NKAIN2: variants seen among roughly 807,000 people sequenced by gnomAD.
The protein encoded by NKAIN2 is sodium/potassium transporting ATPase interacting 2, also known as sodium/potassium-transporting ATPase subunit beta-1-interacting protein 2.
Under a neutral mutation model 32.6 loss-of-function variants are expected in NKAIN2, and 14 were observed. That is an observed-to-expected ratio of 0.43 (90% confidence interval 0.28 to 0.67). The LOEUF (loss-of-function observed/expected upper bound fraction) is 0.67, where lower values mean the gene tolerates loss of function less well. Among genes scored for constraint, NKAIN2 ranks in the 30% least tolerant of loss-of-function variants. NKAIN2 has a pLI of 0.17. For missense variants in NKAIN2, 198 were observed against 258.3 expected (o/e 0.77, Z 1.60); for synonymous variants, 80 against 87.2 (o/e 0.92, Z 0.46).
intron 1 of NKAIN2, among the ~76,000 whole-genome samples, chr6:124,126,209 A>G (rs957225759): frequency 3.3e-5 from 5 of 152,130 alleles, no homozygotes; most frequent in African/African-American, 1.2e-4. Flanking sequence ...TTCTCCCTCT[A>G]ATACTCTAGC....
chr6:124,008,369 T>C (rs1254345651), intron 1 of NKAIN2, among the ~76,000 whole-genome samples: 1 of 152,168 alleles, frequency 6.6e-6, no homozygotes, highest in Admixed American at 6.5e-5. Flanking sequence ...CAGATAATCA[T>C]AGGTCATGAC....
intron 1 of NKAIN2, among the ~76,000 whole-genome samples, chr6:124,175,901 CAT>C (rs1400859864): frequency 2.6e-5 from 4 of 152,124 alleles, no homozygotes; most frequent in Non-Finnish European, 5.9e-5. Context: ...TATTTCATCA[CAT>C]GTGTAGATTT....
chr6:124,236,283 G>C (rs927174927), intron 1 of NKAIN2, among the ~76,000 whole-genome samples: 4 of 152,056 alleles, frequency 2.6e-5, no homozygotes, highest in African/African-American at 9.7e-5. Flanking sequence ...AGATTGTGCT[G>C]TAATCAAAAG....
intron 1 of NKAIN2, among the ~76,000 whole-genome samples, chr6:124,105,743 A>T (rs1007735692): frequency 6.6e-6 from 1 of 152,208 alleles, no homozygotes. Flanking sequence ...CACAGAATTC[A>T]TCAGTGTTTC....
intron 1 of NKAIN2, among the ~76,000 whole-genome samples, chr6:123,975,848 G>A (rs1169115376): frequency 6.6e-6 from 1 of 151,886 alleles, no homozygotes; most frequent in African/African-American, 2.4e-5. Context: ...ATTTTGGTGG[G>A]GACATGATAT....
chr6:124,722,879 T>A (rs1237171336), intron 4 of NKAIN2, among the ~76,000 whole-genome samples: 1 of 152,236 alleles, frequency 6.6e-6, no homozygotes, highest in Non-Finnish European at 1.5e-5. Context: ...CTAAAAAATG[T>A]GAAGCAGCAG....
rs1034178714 is a variant in NKAIN2, at chr6:124,572,986, C to T, written c.274-85200C>T. Among the ~76,000 whole-genome samples the T allele has an allele frequency of 3.0e-4, 46 of 152,042 alleles. No individual in the cohort carries two copies. In the Middle Eastern group the frequency reaches 0.01, roughly 34 times the overall value. ...TCCCAAGTAGCTGGGATTACAGGCG[C>T]GTGACACCATGCCCGGCTAATTTTT... On this transcript the variant is annotated intron_variant, in intron 3 of 6. Transcript: ENST00000368417.
Position 123,909,473 on chromosome 6 carries a change from G to A in NKAIN2, c.54+105219G>A, listed in dbSNP as rs149739304. 2.5e-3 allele frequency among the ~76,000 whole-genome samples: 387 copies of A among 152,244 alleles called. 2 individuals carry two copies. Among genetic ancestry groups the A allele is most frequent in the Non-Finnish European group, 3.8e-3 (258 of 68,018 alleles). On this transcript the variant is annotated intron_variant, in intron 1 of 6. Transcript: ENST00000368417. ...AGTCCTGCCACCCTCTCTGAGTCTC[G>A]CCATGTGTGAGTCTCTGTGTCTGCT... is the stretch of plus-strand genomic sequence containing the variant.
intron 4 of NKAIN2, among the ~76,000 whole-genome samples, chr6:124,679,112 C>T (rs1698757943): frequency 1.3e-5 from 2 of 152,212 alleles, no homozygotes; most frequent in African/African-American, 4.8e-5. Flanking sequence ...GACTCCAAGA[C>T]AGTCAAGAGA....
intron 1 of NKAIN2, among the ~76,000 whole-genome samples, chr6:124,003,279 C>T (rs919976551): frequency 1.3e-5 from 2 of 152,132 alleles, no homozygotes; most frequent in Admixed American, 1.3e-4. Flanking sequence ...TTACCATGTG[C>T]ATTATTTTTT....
At chr6:124,485,853 G>A (rs1447880281) in intron 3 of NKAIN2, among the ~76,000 whole-genome samples, 2 of 152,182 alleles carry the variant, frequency 1.3e-5, no homozygotes, top group African/African-American at 4.8e-5. Context: ...TGTCCTGTGA[G>A]GTGTACAGGC....
intron 1 of NKAIN2, among the ~76,000 whole-genome samples, chr6:124,056,668 T>G (rs1373396745): frequency 6.6e-6 from 1 of 152,080 alleles, no homozygotes; most frequent in Non-Finnish European, 1.5e-5. Flanking sequence ...AATAATAGCA[T>G]GAAAGGCAAT....
chr6:124,748,137 C>T (rs11154262), intron 4 of NKAIN2, among the ~76,000 whole-genome samples: 61,684 of 151,768 alleles, frequency 0.41, 13,446 homozygotes, highest in Non-Finnish European at 0.51. Context: ...GTACAAGTAT[C>T]GTTGCAGAAC....
At chr6:124,740,447 C>CAT (rs144418974) in intron 4 of NKAIN2, among the ~76,000 whole-genome samples, 1 of 143,754 alleles carries the variant, frequency 7.0e-6, no homozygotes, top group Admixed American at 7.0e-5. Flanking sequence ...CACATATACA[C>CAT]GTGTGTGTGT....
intron 4 of NKAIN2, among the ~76,000 whole-genome samples, chr6:124,740,903 G>T (rs1777177202): frequency 6.6e-6 from 1 of 151,884 alleles, no homozygotes; most frequent in Non-Finnish European, 1.5e-5. Flanking sequence ...ACTGTAGGAA[G>T]TCAATATGGA....
In NKAIN2 at chr6:124,781,655, T is replaced by C. The variant is rs942709580; in HGVS notation, c.475-9684T>C. 1.4e-4 allele frequency among the ~76,000 whole-genome samples: 21 copies of C among 152,156 alleles called. 1 individual carries two copies. The highest frequency in any genetic ancestry group is 1.2e-3 in the Admixed American group (19 of 15,254). On this transcript the variant is annotated intron_variant, in intron 4 of 6. Transcript: ENST00000368417. ...AGTCTGAGGTTTATGACATTCTGTT[T>C]CACCCTTGCATTGGCTATGAGCTAC... is the stretch of plus-strand genomic sequence containing the variant.
At chr6:123,842,140 A>G (rs1332705209) in intron 1 of NKAIN2, among the ~76,000 whole-genome samples, 2 of 152,208 alleles carry the variant, frequency 1.3e-5, no homozygotes, top group African/African-American at 4.8e-5. Flanking sequence ...AAGACAATTT[A>G]TTCAAATTAC....
intron 4 of NKAIN2, among the ~76,000 whole-genome samples, chr6:124,703,813 A>AG (rs1025019630): frequency 2.0e-5 from 3 of 152,018 alleles, no homozygotes; most frequent in Non-Finnish European, 4.4e-5. Context: ...ACCAACAGAT[A>AG]GGGATTTGTG....
At chr6:124,812,540 G>C (rs979559921) in intron 5 of NKAIN2, among the ~76,000 whole-genome samples, 1 of 152,134 alleles carries the variant, frequency 6.6e-6, no homozygotes. Context: ...GTAGAAATAG[G>C]TTGCAATGAA....
Sources: gnomAD v4.1 joint callset for allele counts (sites outside exome capture counted in the v4.1 genomes callset) on GRCh38, gnomAD v4.1.1 for gene constraint, MANE v1.5 for transcripts, NCBI Gene and HGNC (gene_info 2026-07-23, HGNC 2026-07-21) for gene names.